Variants in PKNOX2 observed in about 807,000 individuals in gnomAD.
PKNOX2 encodes the protein PBX/knotted 1 homeobox 2.
PKNOX2 carries 14 observed loss-of-function variants against 53.1 expected under a neutral mutation model. The ratio of observed to expected loss-of-function variants is 0.26; its 90% CI spans 0.17 to 0.41. The LOEUF (loss-of-function observed/expected upper bound fraction) is 0.41. PKNOX2 is among the 10% of genes least tolerant of loss of function. The probability of loss-of-function intolerance (pLI) is 1.00; values close to 1 mark genes in which losing one functional copy is unlikely to be tolerated. For missense variants in PKNOX2, 496 were observed against 602.8 expected (o/e 0.82, Z 1.85); for synonymous variants, 257 against 242.8 (o/e 1.06, Z -0.54).
intron 1 of PKNOX2, among the ~76,000 whole-genome samples, chr11:125,233,007 C>T (rs371936017): frequency 1.3e-5 from 2 of 151,776 alleles, no homozygotes; most frequent in African/African-American, 4.8e-5. Flanking sequence ...GTAGGATATA[C>T]TAATTTGATG....
At position 125,367,820 on chromosome 11, in the gene PKNOX2, C is replaced by T. The variant is rs750829274; in HGVS notation, c.88-26C>T. 8 of 1,603,186 alleles carry T rather than the reference C, an allele frequency of 5.0e-6. No homozygotes were observed. The East Asian group carries it at 1.6e-4, about 32-fold the overall frequency. On this transcript the variant is annotated intron_variant, in intron 4 of 12. Coordinates refer to ENST00000298282, the MANE Select transcript of PKNOX2 (RefSeq NM_001382323.2). ...CCAGCACCCTGGCCATGCTAACCCA[C>T]CACCTCCCCTTTCTTCTCTCTGCAG...
At chr11:125,357,099 C>G (rs941713869) in intron 4 of PKNOX2, among the ~76,000 whole-genome samples, 1 of 152,212 alleles carries the variant, frequency 6.6e-6, no homozygotes. Flanking sequence ...GGGGCAACAC[C>G]CCAGGGACCA....
chr11:125,286,101 C>T (rs543188272), intron 2 of PKNOX2, among the ~76,000 whole-genome samples: 31 of 152,186 alleles, frequency 2.0e-4, no homozygotes, highest in African/African-American at 6.7e-4. Flanking sequence ...TAAGAAAGGC[C>T]CCAGCTCAGG....
chr11:125,423,699 C>T (rs1307952000), intron 10 of PKNOX2, among the ~76,000 whole-genome samples: 2 of 152,112 alleles, frequency 1.3e-5, no homozygotes, highest in East Asian at 1.9e-4. Flanking sequence ...AGACCCAAAG[C>T]CCCTGTAGTA....
chr11:125,271,817 A>C (rs143256981), intron 2 of PKNOX2, among the ~76,000 whole-genome samples: 1 of 152,208 alleles, frequency 6.6e-6, no homozygotes, highest in East Asian at 1.9e-4. Flanking sequence ...TGCTCAGCCC[A>C]TGGTACCCAG....
intron 4 of PKNOX2, 93 bp downstream of exon 4, chr11:125,351,485 A>T (rs1951317667): frequency 4.9e-6 from 4 of 813,348 alleles, no homozygotes; most frequent in South Asian, 4.9e-5. Context: ...CCAGGGGCCG[A>T]CGGGCAGAGC....
chr11:125,274,311 C>T (rs530650371), intron 2 of PKNOX2, among the ~76,000 whole-genome samples: 59 of 152,230 alleles, frequency 3.9e-4, no homozygotes, highest in Admixed American at 8.5e-4. Flanking sequence ...CTTATGGTCT[C>T]GGGAAAGACA....
intron 1 of PKNOX2, among the ~76,000 whole-genome samples, chr11:125,218,020 G>C (rs968669640): frequency 1.3e-5 from 2 of 152,128 alleles, no homozygotes; most frequent in African/African-American, 4.8e-5. Flanking sequence ...TGTTTGATCT[G>C]GTGATTCAAT....
chr11:125,302,515 G>A (rs1948145900), intron 2 of PKNOX2, among the ~76,000 whole-genome samples: 1 of 152,232 alleles, frequency 6.6e-6, no homozygotes, highest in African/African-American at 2.4e-5. Flanking sequence ...GGCTTCTAGA[G>A]AGGAAGCCAG....
Position 125,370,744 on chromosome 11 carries a change from G to C in PKNOX2, c.227+2759G>C, listed in dbSNP as rs546213785. ...CAGCCATTGCCCCGGGATGACCAGG[G>C]AGGGAGCTCAGCCTCCTGTAGGGTC... On this transcript the variant is annotated intron_variant, in intron 5 of 12. Coordinates refer to ENST00000298282, the MANE Select transcript of PKNOX2 (RefSeq NM_001382323.2). This position sits in a 1 kb window ranked among gnomAD's most constrained non-coding sequence, Gnocchi z 4.1. Among the ~76,000 whole-genome samples the C allele has an allele frequency of 6.6e-5, 10 of 152,366 alleles. No homozygotes were observed. The highest frequency in any genetic ancestry group is 6.5e-4 in the Admixed American group (10 of 15,312).
At chr11:125,355,068 A>G (rs1951528314) in intron 4 of PKNOX2, among the ~76,000 whole-genome samples, 1 of 152,080 alleles carries the variant, frequency 6.6e-6, no homozygotes, top group Admixed American at 6.5e-5. Flanking sequence ...GGAGTTCAAG[A>G]CCAGCTTGGC....
intron 2 of PKNOX2, among the ~76,000 whole-genome samples, chr11:125,326,357 G>C (rs926290602): frequency 6.6e-6 from 1 of 152,208 alleles, no homozygotes; most frequent in Non-Finnish European, 1.5e-5. Context: ...ACTCACACAG[G>C]GGGTGTGCTT....
chr11:125,265,931 T>A (rs1045255693), intron 2 of PKNOX2, among the ~76,000 whole-genome samples: 1 of 151,996 alleles, frequency 6.6e-6, no homozygotes, highest in African/African-American at 2.4e-5. Context: ...AGGCCCTGAG[T>A]GTGCATGACA....
intron 2 of PKNOX2, among the ~76,000 whole-genome samples, chr11:125,308,642 T>C (rs553438456): frequency 1.3e-5 from 2 of 151,882 alleles, no homozygotes; most frequent in African/African-American, 4.8e-5. Flanking sequence ...AGGAGTTTCA[T>C]AATAACCAAG....
In PKNOX2 at chr11:125,351,246, C is replaced by T. The variant is rs1027301050; in HGVS notation, c.-22-38C>T. ...GGGTGCCCAGGGCGGGCCTGCTCAG[C>T]GGTGTTAACGGTGCGGCCCCCTTTC... On this transcript the variant is annotated intron_variant, in intron 3 of 12. Transcript: ENST00000298282. 1.6e-5 allele frequency: 14 copies of T among 877,846 alleles called. 1 individual carries two copies. The highest frequency in any genetic ancestry group is 1.5e-4 in the African/African-American group (9 of 60,976). 54.4% of individuals were successfully genotyped at this position (877,846 alleles called of 1,614,324 possible). A position where few individuals can be genotyped will look rare whatever the true frequency, so the allele number is the denominator to read the frequency against.
At chr11:125,190,369 C>T (rs576303157) in intron 1 of PKNOX2, among the ~76,000 whole-genome samples, 43 of 152,350 alleles carry the variant, frequency 2.8e-4, no homozygotes, top group Admixed American at 4.6e-4. Flanking sequence ...AGCTGAGATG[C>T]TGTCACCTCT....
intron 2 of PKNOX2, among the ~76,000 whole-genome samples, chr11:125,264,571 C>T (rs755700883): frequency 1.3e-5 from 2 of 151,928 alleles, no homozygotes; most frequent in Non-Finnish European, 2.9e-5. Context: ...AGAGCATTCT[C>T]GGGTGGGGTG....
At chr11:125,282,523 G>T (rs1946629658) in intron 2 of PKNOX2, among the ~76,000 whole-genome samples, 1 of 152,198 alleles carries the variant, frequency 6.6e-6, no homozygotes, top group South Asian at 2.1e-4. Context: ...CAATAGGTCT[G>T]AAACAGAGCC....
intron 7 of PKNOX2, among the ~76,000 whole-genome samples, chr11:125,408,134 T>G (rs570941469): frequency 6.4e-4 from 98 of 152,370 alleles, no homozygotes; most frequent in African/African-American, 2.2e-3. Context: ...ATCTGTGTTC[T>G]AGTCCTCTGG....
Sources: allele counts gnomAD v4.1 joint callset (sites outside exome capture counted in the v4.1 genomes callset), GRCh38; gene constraint gnomAD v4.1.1; non-coding constraint Gnocchi (gnomAD v3.1); transcripts MANE v1.5; gene names NCBI Gene and HGNC (gene_info 2026-07-23, HGNC 2026-07-21).